NKAIN2: variants seen among roughly 807,000 people sequenced by gnomAD.
NKAIN2 encodes sodium/potassium-transporting ATPase subunit beta-1-interacting protein 2.
In NKAIN2, 14 loss-of-function variants were observed where a neutral mutation model predicts 32.6. The observed-to-expected ratio is 0.43, with a 90% CI of 0.28 to 0.67. The LOEUF (loss-of-function observed/expected upper bound fraction) is 0.67, where lower values mean the gene tolerates loss of function less well. NKAIN2 is among the 30% of genes least tolerant of loss of function. NKAIN2 has a pLI of 0.17. For synonymous variants in NKAIN2, 80 were observed against 87.2 expected (o/e 0.92, Z 0.46); for missense variants, 198 against 258.3 (o/e 0.77, Z 1.60).
chr6:124,538,396 G>T (rs764867612), intron 3 of NKAIN2, among the ~76,000 whole-genome samples: 3 of 151,934 alleles, frequency 2.0e-5, no homozygotes, highest in South Asian at 4.2e-4. Context: ...GTCACTTGTT[G>T]CACGTGAAAG....
intron 3 of NKAIN2, among the ~76,000 whole-genome samples, chr6:124,630,887 T>C (rs1191798225): frequency 6.6e-6 from 1 of 152,194 alleles, no homozygotes; most frequent in Non-Finnish European, 1.5e-5. Context: ...CATGTCAAGT[T>C]TGAATTTAGC....
At chr6:123,959,127 T>C (rs1777729055) in intron 1 of NKAIN2, among the ~76,000 whole-genome samples, 1 of 152,126 alleles carries the variant, frequency 6.6e-6, no homozygotes, top group Non-Finnish European at 1.5e-5. Context: ...GGTCTGTGGG[T>C]CTAGAAAATG....
In NKAIN2 at chr6:124,537,497, ATTTAC is replaced by A. The variant is rs1286979800; in HGVS notation, c.274-120684_274-120680del. Among the ~76,000 whole-genome samples, 4 of 152,266 alleles carry A rather than the reference ATTTAC, an allele frequency of 2.6e-5. 1 individual carries two copies. The South Asian group carries it at 8.3e-4, about 32-fold the overall frequency. ...TATTTATACTTTTAAAAGTATACAT[ATTTAC>A]TTTATTGTTTGCAGTATTTTTATAA... On this transcript the variant is annotated intron_variant, in intron 3 of 6. Coordinates refer to ENST00000368417, the MANE Select transcript of NKAIN2 (RefSeq NM_001040214.3).
In NKAIN2 at chr6:124,099,869, G is replaced by A. The variant is rs1784802675; in HGVS notation, c.55-183136G>A. The stretch of plus-strand genomic sequence containing the variant: ...GCTGAAAGAGAGGGTTAAAGCCTTT[G>A]TATGGAGCCTACACAAAAAGAAGTA... On this transcript the variant is annotated intron_variant, in intron 1 of 6. Coordinates refer to ENST00000368417, the MANE Select transcript of NKAIN2 (RefSeq NM_001040214.3). Among the ~76,000 whole-genome samples, 5 of 152,158 alleles carry A rather than the reference G, an allele frequency of 3.3e-5. No individual in the cohort carries two copies. In the East Asian group the frequency reaches 5.8e-4, roughly 18 times the overall value.
intron 3 of NKAIN2, among the ~76,000 whole-genome samples, chr6:124,599,308 G>T (rs1257624433): frequency 6.6e-6 from 1 of 151,902 alleles, no homozygotes; most frequent in Non-Finnish European, 1.5e-5. Flanking sequence ...ATGTATGAAA[G>T]ATAATAACTG....
At chr6:123,969,748 T>C (rs909387248) in intron 1 of NKAIN2, among the ~76,000 whole-genome samples, 1 of 152,120 alleles carries the variant, frequency 6.6e-6, no homozygotes, top group Non-Finnish European at 1.5e-5. Flanking sequence ...TAGCTTCCCC[T>C]AGGACAGAGT....
At chr6:123,946,336 T>C (rs557461236) in intron 1 of NKAIN2, among the ~76,000 whole-genome samples, 18 of 152,266 alleles carry the variant, frequency 1.2e-4, no homozygotes, top group Non-Finnish European at 2.4e-4. Flanking sequence ...TGCCATTAAA[T>C]ATATTTATTT....
At chr6:124,524,216 A>G (rs1425252854) in intron 3 of NKAIN2, among the ~76,000 whole-genome samples, 7 of 151,692 alleles carry the variant, frequency 4.6e-5, no homozygotes, top group Non-Finnish European at 8.8e-5. Flanking sequence ...CTGGCAAACA[A>G]ACACAAATTT....
Position 123,981,952 on chromosome 6 carries a change from A to G in NKAIN2, c.54+177698A>G, listed in dbSNP as rs192674013. 2.6e-3 allele frequency among the ~76,000 whole-genome samples: 397 copies of G among 152,326 alleles called. 5 individuals are homozygous for G. The highest frequency in any genetic ancestry group is 9.0e-3 in the African/African-American group (376 of 41,572). On this transcript the variant is annotated intron_variant, in intron 1 of 6. Transcript: ENST00000368417. The stretch of plus-strand genomic sequence containing the variant: ...TCAGAGTGATTTGGAGGTGCCAATT[A>G]AAATGTGAGGAGCACTGCAATTTTG...
chr6:124,630,192 G>T (rs2114303163), intron 3 of NKAIN2, among the ~76,000 whole-genome samples: 1 of 152,230 alleles, frequency 6.6e-6, no homozygotes, highest in Non-Finnish European at 1.5e-5. Context: ...TACACTTCAG[G>T]ATTGGGGAGT....
intron 3 of NKAIN2, among the ~76,000 whole-genome samples, chr6:124,540,655 C>A (rs2114843481): frequency 6.6e-6 from 1 of 152,252 alleles, no homozygotes; most frequent in East Asian, 1.9e-4. Context: ...ACAGACAGTT[C>A]CTGACTTACA....
chr6:123,904,057 G>A lies in NKAIN2; in HGVS notation c.54+99803G>A, dbSNP rs775294145. On this transcript the variant is annotated intron_variant, in intron 1 of 6. Transcript: ENST00000368417. The stretch of plus-strand genomic sequence containing the variant: ...AGCCTGACCAACAAGAAGAAACCCC[G>A]TCTCTACTAAAAATACAAAAAAATT... Among the ~76,000 whole-genome samples, 5 of 151,898 alleles carry A rather than the reference G, an allele frequency of 3.3e-5. No homozygotes were observed. In the East Asian group the frequency reaches 5.8e-4, roughly 18 times the overall value.
chr6:124,681,233 C>T (rs950590173), intron 4 of NKAIN2, among the ~76,000 whole-genome samples: 2 of 151,894 alleles, frequency 1.3e-5, no homozygotes, highest in Non-Finnish European at 2.9e-5. Flanking sequence ...TAACCTAGGG[C>T]TCTACTTATA....
chr6:124,526,023 A>T (rs886241228), intron 3 of NKAIN2, among the ~76,000 whole-genome samples: 2 of 152,200 alleles, frequency 1.3e-5, no homozygotes, highest in African/African-American at 2.4e-5. Context: ...GATGAGATGG[A>T]TCAGGCTTAC....
At chr6:124,154,989 G>T (rs1001857395) in intron 1 of NKAIN2, among the ~76,000 whole-genome samples, 5 of 152,090 alleles carry the variant, frequency 3.3e-5, no homozygotes, top group Admixed American at 2.0e-4. Context: ...GGCAGGAAAA[G>T]AATTGTTTTA....
chr6:124,591,515 C>T (rs1053984367), intron 3 of NKAIN2, among the ~76,000 whole-genome samples: 4 of 152,048 alleles, frequency 2.6e-5, no homozygotes, highest in African/African-American at 9.7e-5. Flanking sequence ...CTTCCAATGC[C>T]ATTGATTTAT....
chr6:123,886,114 A>G (rs1353114040), intron 1 of NKAIN2, among the ~76,000 whole-genome samples: 1 of 152,112 alleles, frequency 6.6e-6, no homozygotes, highest in Non-Finnish European at 1.5e-5. Flanking sequence ...GAACAAAGGC[A>G]TGCACTTTAG....
chr6:124,115,527 G>T (rs988712683), intron 1 of NKAIN2, among the ~76,000 whole-genome samples: 1 of 152,044 alleles, frequency 6.6e-6, no homozygotes, highest in Non-Finnish European at 1.5e-5. Context: ...TAAATGAGTG[G>T]CATTTTATAT....
In NKAIN2 at chr6:123,804,117, T is replaced by C; in HGVS notation, c.-84T>C. The C allele has an allele frequency of 2.3e-6, 3 of 1,309,366 alleles. No individual in the cohort carries two copies. In the Admixed American group the frequency reaches 5.0e-5, roughly 22 times the overall value. 81.1% of individuals were successfully genotyped at this position (1,309,366 alleles called of 1,614,324 possible). ...GAGCCCTCGGCAGGTTTGCGTGTCC[T>C]TCCCCGCGATCTGATTGGATAAAGT... On this transcript the variant is annotated 5_prime_UTR_variant, in exon 1 of 7. Coordinates refer to ENST00000368417, the MANE Select transcript of NKAIN2 (RefSeq NM_001040214.3).
Sources: gnomAD v4.1 joint callset for allele counts (sites outside exome capture counted in the v4.1 genomes callset) on GRCh38, gnomAD v4.1.1 for gene constraint, MANE v1.5 for transcripts, NCBI Gene and HGNC (gene_info 2026-07-23, HGNC 2026-07-21) for gene names.